PPP1R9A: variants seen among roughly 807,000 people sequenced by gnomAD.
PPP1R9A encodes protein phosphatase 1 regulatory subunit 9A.
A neutral mutation model predicts 141.9 loss-of-function variants in PPP1R9A; 59 were observed. That is an observed-to-expected ratio of 0.42 (90% CI 0.34 to 0.52). The LOEUF is 0.52. Ranked by LOEUF, PPP1R9A falls within the 20% of genes least tolerant of loss-of-function variation. The probability of loss-of-function intolerance (pLI) is 0.10; values close to 1 mark genes in which losing one functional copy is unlikely to be tolerated. For missense variants in PPP1R9A, 1,444 were observed against 1,611.9 expected (o/e 0.90, Z 1.78); for synonymous variants, 500 against 569.7 (o/e 0.88, Z 1.74).
chr7:95,132,569 C>T (rs1216484756), intron 4 of PPP1R9A, among the ~76,000 whole-genome samples: 1 of 152,140 alleles, frequency 6.6e-6, no homozygotes, highest in Non-Finnish European at 1.5e-5. Flanking sequence ...TCTTTTCCCC[C>T]ACAGTTTGGT....
chr7:95,050,100 T>A (rs1025692163), intron 2 of PPP1R9A, among the ~76,000 whole-genome samples: 1 of 152,226 alleles, frequency 6.6e-6, no homozygotes, highest in African/African-American at 2.4e-5. Context: ...AAAGTGGCTG[T>A]ACCAGCAATG....
intron 12 of PPP1R9A, among the ~76,000 whole-genome samples, chr7:95,258,234 T>C (rs999929813): frequency 6.6e-6 from 1 of 152,192 alleles, no homozygotes; most frequent in Non-Finnish European, 1.5e-5. Flanking sequence ...TGGTACCTCA[T>C]TGTGGTTTTG....
chr7:95,295,942 C>A lies in PPP1R9A; in HGVS notation c.*5639C>A, dbSNP rs1291095171. 6.6e-6 allele frequency: 1 copy of A among 152,628 alleles called. No individual in the cohort carries two copies. Among genetic ancestry groups the A allele is most frequent in the Non-Finnish European group, 1.5e-5 (1 of 68,040 alleles). 9.5% of individuals were successfully genotyped at this position (152,628 alleles called of 1,614,324 possible). ...TGCAACCACTTGTACACCTGCTACA[C>A]CTTACTGACAAAACTGGGCAGCTGA... On this transcript the variant is annotated 3_prime_UTR_variant, in exon 20 of 20. Transcript: ENST00000433360.
At chr7:95,130,933 C>T (rs893126484) in intron 4 of PPP1R9A, among the ~76,000 whole-genome samples, 3 of 152,158 alleles carry the variant, frequency 2.0e-5, no homozygotes, top group Non-Finnish European at 2.9e-5. Context: ...TTTACAGGCT[C>T]ATAGGCAGAA....
intron 2 of PPP1R9A, among the ~76,000 whole-genome samples, chr7:95,028,992 G>A (rs528804789): frequency 6.6e-6 from 1 of 152,168 alleles, no homozygotes; most frequent in East Asian, 1.9e-4. Flanking sequence ...TTTTTTTAAA[G>A]CCAAGGAAAA....
At chr7:95,026,954 A>C (rs1482901019) in intron 2 of PPP1R9A, among the ~76,000 whole-genome samples, 1 of 152,118 alleles carries the variant, frequency 6.6e-6, no homozygotes, top group Non-Finnish European at 1.5e-5. Flanking sequence ...TGAGTGTCCC[A>C]GTTCGACTTC....
At chr7:95,280,858 T>C (rs181686042) in intron 16 of PPP1R9A, among the ~76,000 whole-genome samples, 45 of 151,956 alleles carry the variant, frequency 3.0e-4, no homozygotes, top group Admixed American at 1.3e-3. Context: ...AGGAAGCAAA[T>C]AAGAAAGGAA....
intron 2 of PPP1R9A, among the ~76,000 whole-genome samples, chr7:94,924,838 G>A (rs1267752836): frequency 3.9e-5 from 6 of 151,978 alleles, no homozygotes; most frequent in East Asian, 1.9e-4. Context: ...CCTACCAAAC[G>A]AAATTCTTAC....
chr7:95,033,171 A>ATT (rs10709825), intron 2 of PPP1R9A, among the ~76,000 whole-genome samples: 2,389 of 103,802 alleles, frequency 0.023, 117 homozygotes, highest in African/African-American at 0.082. Flanking sequence ...TGCCTGGCTA[A>ATT]TTTTTTTTTT....
At position 95,053,599 on chromosome 7, in the gene PPP1R9A, G is replaced by A. The variant is rs550659420; in HGVS notation, c.1396-57660G>A. 2.2e-4 allele frequency among the ~76,000 whole-genome samples: 33 copies of A among 152,316 alleles called. 1 individual carries two copies. In the South Asian group the frequency reaches 6.6e-3, roughly 31 times the overall value. On this transcript the variant is annotated intron_variant, in intron 2 of 19. Transcript: ENST00000433360. ...TTACTTTTGAACTATGATGGGAGAG[G>A]GGGATGAAAGTGAAGTCCAATACTC...
chr7:95,076,310 C>G (rs1026597861), intron 2 of PPP1R9A, among the ~76,000 whole-genome samples: 3 of 152,164 alleles, frequency 2.0e-5, no homozygotes, highest in Non-Finnish European at 2.9e-5. Flanking sequence ...ACTCTGATTC[C>G]CTTCACAGAC....
chr7:95,225,543 TC>T (rs1298229723), intron 7 of PPP1R9A, among the ~76,000 whole-genome samples: 1 of 152,134 alleles, frequency 6.6e-6, no homozygotes, highest in African/African-American at 2.4e-5. Flanking sequence ...TTAATTAAGG[TC>T]CCTTCCAACT....
chr7:95,206,195 T>C (rs371098375), intron 7 of PPP1R9A, among the ~76,000 whole-genome samples: 2 of 152,200 alleles, frequency 1.3e-5, no homozygotes, highest in African/African-American at 4.8e-5. Flanking sequence ...ATATTTTCTA[T>C]CACAGAAACA....
intron 4 of PPP1R9A, among the ~76,000 whole-genome samples, chr7:95,124,556 A>G (rs1823218259): frequency 6.6e-6 from 1 of 152,168 alleles, no homozygotes; most frequent in Admixed American, 6.5e-5. Context: ...ACTAAAAATG[A>G]TAAGATTTTC....
intron 2 of PPP1R9A, among the ~76,000 whole-genome samples, chr7:95,033,827 T>C (rs932177726): frequency 2.6e-5 from 4 of 152,184 alleles, no homozygotes; most frequent in African/African-American, 9.7e-5. Context: ...GATTCATATA[T>C]GTATGGGTCT....
chr7:95,161,744 A>G (rs1052349532), intron 4 of PPP1R9A, 123 bp from the exon 5 acceptor site: 4 of 632,526 alleles, frequency 6.3e-6, no homozygotes, highest in African/African-American at 5.5e-5. Flanking sequence ...TAAAAGATAG[A>G]TTTTGGATCA....
chr7:95,114,456 A>T (rs1821116203), intron 3 of PPP1R9A, among the ~76,000 whole-genome samples: 1 of 152,178 alleles, frequency 6.6e-6, no homozygotes, highest in South Asian at 2.1e-4. Context: ...GGAGGGATAT[A>T]TAGTGGCTTT....
intron 2 of PPP1R9A, among the ~76,000 whole-genome samples, chr7:95,072,855 A>T (rs1387812725): frequency 3.1e-4 from 34 of 110,446 alleles, no homozygotes; most frequent in African/African-American, 1.1e-3. Context: ...ATATAATATA[A>T]GTTATATAAT....
At chr7:95,285,148 C>A (rs545844678) in intron 17 of PPP1R9A, among the ~76,000 whole-genome samples, 12 of 152,256 alleles carry the variant, frequency 7.9e-5, no homozygotes, top group Admixed American at 7.2e-4. Context: ...TTGTTCGGTA[C>A]TGAATTCTCC....
Sources: allele counts gnomAD v4.1 joint callset (sites outside exome capture counted in the v4.1 genomes callset), GRCh38; gene constraint gnomAD v4.1.1; transcripts MANE v1.5; gene names NCBI Gene and HGNC (gene_info 2026-07-23, HGNC 2026-07-21).